Variants in PTPRA observed in about 807,000 individuals in gnomAD.
PTPRA encodes protein tyrosine phosphatase receptor type A, also known as receptor-type tyrosine-protein phosphatase alpha.
Under a neutral mutation model 104.8 loss-of-function variants are expected in PTPRA, and 25 were observed. That is an observed-to-expected ratio of 0.24 (90% CI 0.17 to 0.33). The LOEUF is 0.33. Ranked by LOEUF, PTPRA falls within the 10% of genes least tolerant of loss-of-function variation. The pLI, the probability that PTPRA is intolerant of heterozygous loss-of-function variation, is 1.00. For synonymous variants in PTPRA, 323 were observed against 368.9 expected (o/e 0.88, Z 1.43); for missense variants, 765 against 1,015.3 (o/e 0.75, Z 3.35).
chr20:2,890,564 T>A (rs1407443685), intron 1 of PTPRA, among the ~76,000 whole-genome samples: 1 of 152,228 alleles, frequency 6.6e-6, no homozygotes, highest in Non-Finnish European at 1.5e-5. Context: ...GTAGTTGATT[T>A]GGGGCACAGT....
intron 12 of PTPRA, 84 bp downstream of exon 12, chr20:3,015,969 A>T: frequency 7.8e-7 from 1 of 1,290,050 alleles, no homozygotes; most frequent in South Asian, 1.3e-5. Flanking sequence ...TGCTGAGTGG[A>T]TTAACCAGAA....
At chr20:2,938,854 A>G (rs1384411099) in intron 2 of PTPRA, among the ~76,000 whole-genome samples, 3 of 152,190 alleles carry the variant, frequency 2.0e-5, no homozygotes, top group African/African-American at 7.2e-5. Context: ...TTCTTTTCAA[A>G]TAATTCCAAA....
At chr20:3,005,009 A>T (rs1485652349) in intron 9 of PTPRA, 47 bp from the exon 10 acceptor site, 1 of 1,495,608 alleles carries the variant, frequency 6.7e-7, no homozygotes, top group East Asian at 2.3e-5. Flanking sequence ...TGCATGTTTG[A>T]TGTTTATCCC....
In PTPRA at chr20:3,037,414, C is replaced by T; in HGVS notation, c.2334+125C>T. 8.4e-6 allele frequency: 12 copies of T among 1,427,708 alleles called. No individual in the cohort carries two copies. Among genetic ancestry groups the T allele is most frequent in the South Asian group, 2.7e-5 (2 of 73,540 alleles). The allele number at this position is 1,427,708 out of a possible 1,614,324, so 88.4% of individuals were successfully genotyped here. On this transcript the variant is annotated intron_variant, in intron 23 of 23. Coordinates refer to ENST00000399903, the MANE Select transcript of PTPRA (RefSeq NM_001385305.1). This position sits in a 1 kb window ranked among gnomAD's most constrained non-coding sequence, Gnocchi z 4.3. ...GTCTAAACACAGACCTGCCCTTGCC[C>T]TCCCAAGGTGCCCCAAATACACAGG... is the stretch of plus-strand genomic sequence containing the variant.
chr20:3,008,745 C>CAAAAAAA, intron 11 of PTPRA, among the ~76,000 whole-genome samples: 1 of 99,360 alleles, frequency 1.0e-5, no homozygotes, highest in South Asian at 3.2e-4. Context: ...AAAAAAAAAA[C>CAAAAAAA]AAAAAAAAAA....
chr20:3,019,042 A>C (rs1313934069), intron 13 of PTPRA, among the ~76,000 whole-genome samples: 30 of 72,154 alleles, frequency 4.2e-4, no homozygotes, highest in South Asian at 1.5e-3. Context: ...TGACCCCCCC[A>C]CCTCCCGGAC....
At chr20:2,879,511 T>C (rs530567376) in intron 1 of PTPRA, among the ~76,000 whole-genome samples, 2 of 152,290 alleles carry the variant, frequency 1.3e-5, no homozygotes, top group Admixed American at 1.3e-4. Flanking sequence ...ATTCTCTGCC[T>C]AGGCTGCACT....
intron 6 of PTPRA, among the ~76,000 whole-genome samples, chr20:2,985,856 G>A (rs2062876480): frequency 6.6e-6 from 1 of 151,940 alleles, no homozygotes; most frequent in South Asian, 2.1e-4. Flanking sequence ...TGCTGGGATA[G>A]GCATGAGCCG....
intron 10 of PTPRA, among the ~76,000 whole-genome samples, chr20:3,006,907 G>A (rs1352388216): frequency 6.6e-6 from 1 of 152,182 alleles, no homozygotes; most frequent in Non-Finnish European, 1.5e-5. Context: ...TAGGATTATA[G>A]GCGTGACCCA....
At chr20:3,002,626 C>A (rs554223308) in intron 9 of PTPRA, among the ~76,000 whole-genome samples, 96 of 152,224 alleles carry the variant, frequency 6.3e-4, no homozygotes, top group African/African-American at 2.2e-3. Context: ...CGCGCCTGGC[C>A]CAAATGTAGT....
chr20:2,995,989 C>G (rs762775863), intron 9 of PTPRA, among the ~76,000 whole-genome samples: 4 of 152,160 alleles, frequency 2.6e-5, no homozygotes, highest in Non-Finnish European at 5.9e-5. Flanking sequence ...TTGCTCTTTC[C>G]CATCCTGGCA....
intron 2 of PTPRA, among the ~76,000 whole-genome samples, chr20:2,935,243 A>G (rs1300244852): frequency 6.6e-6 from 1 of 152,028 alleles, no homozygotes; most frequent in Non-Finnish European, 1.5e-5. Flanking sequence ...ATCATGTGAT[A>G]TTTGTCTTTC....
intron 2 of PTPRA, among the ~76,000 whole-genome samples, chr20:2,929,967 G>A (rs1568657906): frequency 6.6e-6 from 1 of 152,180 alleles, no homozygotes; most frequent in African/African-American, 2.4e-5. Flanking sequence ...GAATGACCAG[G>A]TGAGGATACA....
In PTPRA at chr20:2,929,543, G is replaced by C. The variant is rs117313504; in HGVS notation, c.-50+6258G>C. ...AATGTTCTTGGAGATGGTCTTTAAA[G>C]ACCGGGCATGGTAGCTCATGTTTGT... On this transcript the variant is annotated intron_variant, in intron 2 of 23. Transcript: ENST00000399903. Among the ~76,000 whole-genome samples, 89 of 152,246 alleles carry C rather than the reference G, an allele frequency of 5.8e-4. 1 individual carries two copies. The East Asian group carries it at 0.016, about 27-fold the overall frequency.
At chr20:2,880,963 G>A (rs1404938425) in intron 1 of PTPRA, among the ~76,000 whole-genome samples, 4 of 151,682 alleles carry the variant, frequency 2.6e-5, no homozygotes, top group Non-Finnish European at 5.9e-5. Flanking sequence ...AGCCATGATT[G>A]CACCACTGTA....
intron 3 of PTPRA, among the ~76,000 whole-genome samples, chr20:2,953,198 T>C (rs1260918502): frequency 1.3e-5 from 2 of 152,146 alleles, no homozygotes; most frequent in Non-Finnish European, 2.9e-5. Context: ...TTTGTTAACA[T>C]TCTTGCCAAC....
intron 3 of PTPRA, among the ~76,000 whole-genome samples, chr20:2,962,872 C>A (rs1040774198): frequency 6.6e-6 from 1 of 152,020 alleles, no homozygotes; most frequent in African/African-American, 2.4e-5. Context: ...TCCTTCTCTT[C>A]CCCCCCTACC....
intron 20 of PTPRA, among the ~76,000 whole-genome samples, chr20:3,034,998 C>A (rs2065727572): frequency 6.6e-6 from 1 of 152,106 alleles, no homozygotes; most frequent in Non-Finnish European, 1.5e-5. Context: ...GACGCAGCCA[C>A]TCCCACAAGG....
intron 2 of PTPRA, among the ~76,000 whole-genome samples, chr20:2,944,268 C>G (rs759862060): frequency 1.3e-5 from 2 of 152,102 alleles, no homozygotes; most frequent in African/African-American, 2.4e-5. Context: ...TCTCGAACTC[C>G]TCACCTCAAA....
Sources: gnomAD v4.1 joint callset for allele counts (sites outside exome capture counted in the v4.1 genomes callset) on GRCh38, gnomAD v4.1.1 for gene constraint, Gnocchi (gnomAD v3.1) non-coding constraint, MANE v1.5 for transcripts, NCBI Gene and HGNC (gene_info 2026-07-23, HGNC 2026-07-21) for gene names.